Variants in MEI4 observed in about 807,000 individuals in gnomAD.
MEI4 encodes meiotic double-stranded break formation protein 4.
In MEI4, 27 loss-of-function variants were observed where a neutral mutation model predicts 31.4. That is an observed-to-expected ratio of 0.86 (90% confidence interval 0.63 to 1.19). MEI4 has a LOEUF of 1.19. MEI4 is among the 50% of genes most tolerant of loss of function. The pLI, the probability that MEI4 is intolerant of heterozygous loss-of-function variation, is 0.00. For synonymous variants in MEI4, 122 were observed against 145.4 expected (o/e 0.84, Z 1.16); for missense variants, 329 against 398.9 (o/e 0.82, Z 1.49).
chr6:77,852,693 G>T (rs184643539), intron 4 of MEI4, among the ~76,000 whole-genome samples: 26 of 151,710 alleles, frequency 1.7e-4, no homozygotes, highest in Admixed American at 1.6e-3. Context: ...TCCTCATGTG[G>T]TGGAAGGGAG....
At position 77,887,578 on chromosome 6, in the gene MEI4, A is replaced by G. The variant is rs1562026531; in HGVS notation, c.901-35511A>G. Among the ~76,000 whole-genome samples, 4 of 152,064 alleles carry G rather than the reference A, an allele frequency of 2.6e-5. 1 individual carries two copies. Among genetic ancestry groups the G allele is most frequent in the Non-Finnish European group, 4.4e-5 (3 of 67,994 alleles). ...TCCCAAAGTGCTGGGATTACAGGCG[A>G]CAGCCACCGCACCCGGCCTCTTAAT... is the stretch of plus-strand genomic sequence containing the variant. On this transcript the variant is annotated intron_variant, in intron 4 of 4. Transcript: ENST00000684080.
At chr6:77,736,159 C>T (rs1767204034) in intron 2 of MEI4, among the ~76,000 whole-genome samples, 1 of 152,078 alleles carries the variant, frequency 6.6e-6, no homozygotes, top group Admixed American at 6.5e-5. Context: ...TTGTGGGCTC[C>T]ACCGGGTTCG....
intron 3 of MEI4, among the ~76,000 whole-genome samples, chr6:77,763,958 T>G (rs954630676): frequency 6.6e-6 from 1 of 152,110 alleles, no homozygotes. Flanking sequence ...GGACTACAGG[T>G]GCATGCCACC....
chr6:77,916,396 G>GT (rs971141396), intron 4 of MEI4, among the ~76,000 whole-genome samples: 2 of 151,676 alleles, frequency 1.3e-5, no homozygotes, highest in African/African-American at 2.4e-5. Flanking sequence ...TTTGAAATTT[G>GT]TTTTTTTAGT....
chr6:77,895,348 C>A (rs573869846), intron 4 of MEI4, among the ~76,000 whole-genome samples: 1 of 152,266 alleles, frequency 6.6e-6, no homozygotes, highest in African/African-American at 2.4e-5. Flanking sequence ...CCTCTCCCTG[C>A]TCTTCCTTTA....
chr6:77,651,952 T>C (rs920813342), upstream of MEI4, among the ~76,000 whole-genome samples: 1 of 152,216 alleles, frequency 6.6e-6, no homozygotes, highest in African/African-American at 2.4e-5. Context: ...ACCATGTCTT[T>C]AGTGTGTATG....
intron 4 of MEI4, among the ~76,000 whole-genome samples, chr6:77,853,134 G>T (rs914496048): frequency 1.3e-5 from 2 of 152,228 alleles, no homozygotes; most frequent in Middle Eastern, 3.4e-3. Flanking sequence ...CGAGGTGGAG[G>T]TTGCAGTGAG....
At chr6:77,865,747 G>A (rs1047352143) in intron 4 of MEI4, among the ~76,000 whole-genome samples, 13 of 152,136 alleles carry the variant, frequency 8.5e-5, no homozygotes, top group Admixed American at 2.0e-4. Flanking sequence ...GCATCATCCT[G>A]ATACCAAAGC....
At chr6:77,766,977 A>G (rs7748475) in intron 3 of MEI4, among the ~76,000 whole-genome samples, 126,481 of 152,102 alleles carry the variant, frequency 0.83, 53,080 homozygotes, top group East Asian at 0.95. Context: ...TTTTATGTTC[A>G]TGGCTATTAA....
At chr6:77,834,635 C>T (rs1770169799) in intron 4 of MEI4, among the ~76,000 whole-genome samples, 1 of 151,914 alleles carries the variant, frequency 6.6e-6, no homozygotes, top group South Asian at 2.1e-4. Context: ...TTGCAGTCTC[C>T]AAGCTGAGTT....
chr6:77,752,063 TC>T (rs1167558436), intron 2 of MEI4, among the ~76,000 whole-genome samples: 1 of 152,078 alleles, frequency 6.6e-6, no homozygotes, highest in African/African-American at 2.4e-5. Flanking sequence ...TTGACAAAAT[TC>T]AACAGCCTTC....
intron 4 of MEI4, among the ~76,000 whole-genome samples, chr6:77,889,296 T>C (rs1771700737): frequency 6.6e-6 from 1 of 152,180 alleles, no homozygotes; most frequent in Non-Finnish European, 1.5e-5. Context: ...TGAGTGGCTT[T>C]GACCAAAATG....
chr6:77,805,013 T>C (rs924632041), intron 3 of MEI4, among the ~76,000 whole-genome samples: 21 of 152,216 alleles, frequency 1.4e-4, no homozygotes, highest in African/African-American at 4.8e-4. Context: ...ATAAAACATT[T>C]TGAAATTATA....
intron 2 of MEI4, among the ~76,000 whole-genome samples, chr6:77,735,205 C>A (rs917606862): frequency 1.3e-5 from 2 of 151,976 alleles, no homozygotes; most frequent in African/African-American, 4.8e-5. Flanking sequence ...GGGAAGTTCT[C>A]CTGGATAATA....
chr6:77,744,806 G>A (rs1479057318), intron 2 of MEI4, among the ~76,000 whole-genome samples: 1 of 152,180 alleles, frequency 6.6e-6, no homozygotes, highest in Non-Finnish European at 1.5e-5. Context: ...GAGAGTGGGG[G>A]CCAATATTCA....
chr6:77,915,233 T>A (rs1253666726), intron 4 of MEI4, among the ~76,000 whole-genome samples: 1 of 152,070 alleles, frequency 6.6e-6, no homozygotes, highest in South Asian at 2.1e-4. Flanking sequence ...TACTAGTTCA[T>A]AATAAACCTT....
rs545989547 is a variant in MEI4, at chr6:77,807,087, C to T, written c.769-21844C>T. Reference sequence around the variant, plus strand: ...ACTTAGAAAACTAGCTTTGGCAGCCCTGAGAGGATATCAGCTTCTTGACAT... The same window carrying T: ...ACTTAGAAAACTAGCTTTGGCAGCCTTGAGAGGATATCAGCTTCTTGACAT... On this transcript the variant is annotated intron_variant, in intron 3 of 4. Coordinates refer to ENST00000684080, the MANE Select transcript of MEI4 (RefSeq NM_001322247.2). Among the ~76,000 whole-genome samples the T allele has an allele frequency of 1.7e-3, 250 of 150,790 alleles. 1 individual carries two copies. Among genetic ancestry groups the T allele is most frequent in the Non-Finnish European group, 3.1e-3 (212 of 67,792 alleles).
chr6:77,693,620 A>G (rs1454629802), intron 2 of MEI4, among the ~76,000 whole-genome samples: 2 of 146,044 alleles, frequency 1.4e-5, no homozygotes, highest in Non-Finnish European at 2.9e-5. Flanking sequence ...CTGGTTCTCT[A>G]TCTGTTACCT....
chr6:77,878,002 G>A (rs1351918061), intron 4 of MEI4, among the ~76,000 whole-genome samples: 1 of 152,044 alleles, frequency 6.6e-6, no homozygotes, highest in Non-Finnish European at 1.5e-5. Flanking sequence ...AGTATTTAAT[G>A]ATTCTCAGTC....
Sources: gnomAD v4.1 joint callset for allele counts (sites outside exome capture counted in the v4.1 genomes callset) on GRCh38, gnomAD v4.1.1 for gene constraint, MANE v1.5 for transcripts, NCBI Gene and HGNC (gene_info 2026-07-23, HGNC 2026-07-21) for gene names.